Variants in TMEM80 observed in about 807,000 individuals in gnomAD.
The protein encoded by TMEM80 is transmembrane protein 80.
A neutral mutation model predicts 13.6 loss-of-function variants in TMEM80; 16 were observed. The ratio of observed to expected loss-of-function variants is 1.17; its 90% CI spans 0.79 to 1.78. TMEM80 has a LOEUF of 1.78. TMEM80 is among the 40% of genes most tolerant of loss of function. The pLI is 0.00. For synonymous variants in TMEM80, 92 were observed against 89.5 expected (o/e 1.03, Z -0.16); for missense variants, 167 against 184.6 (o/e 0.90, Z 0.55).
downstream of TMEM80, chr11:704,405 C>T: frequency 4.8e-6 from 6 of 1,262,926 alleles, no homozygotes; most frequent in Non-Finnish European, 6.2e-6. Flanking sequence ...CCCAGTTGTC[C>T]TGGGCCGACT....
At position 703,828 on chromosome 11, in the gene TMEM80, G is replaced by A; in HGVS notation, c.*678G>A. 8.1e-7 allele frequency: 1 copy of A among 1,234,856 alleles called. No homozygotes were observed. The highest frequency in any genetic ancestry group is 1.0e-6 in the Non-Finnish European group (1 of 990,202). The allele number at this position is 1,234,856 out of a possible 1,614,324, so 76.5% of individuals were successfully genotyped here. ...CTTCGGAGGAGAGGTCAGGGCTAAG[G>A]CCGGGGATGAGACTGCAGGAGAGAG... On this transcript the variant is annotated 3_prime_UTR_variant, in exon 5 of 5. Coordinates refer to ENST00000397510, the MANE Select transcript of TMEM80 (RefSeq NM_001042463.3).
intron 1 of TMEM80, among the ~76,000 whole-genome samples, chr11:696,798 G>T (rs1861198276): frequency 4.3e-4 from 2 of 4,698 alleles, no homozygotes; most frequent in African/African-American, 7.2e-4. Context: ...CCCCGGGGAA[G>T]GCCAGGCGCA....
At chr11:704,767 T>C, downstream of TMEM80, 2 of 705,822 alleles carry the variant, frequency 2.8e-6, no homozygotes, top group Non-Finnish European at 2.1e-6. Flanking sequence ...GCCTGGACTG[T>C]CTCCTGAGGG....
At chr11:699,425 C>A (rs1454767983) in intron 2 of TMEM80, 1 of 153,212 alleles carries the variant, frequency 6.5e-6, no homozygotes, top group Non-Finnish European at 1.4e-5. Flanking sequence ...TTAAGTCCCC[C>A]AAACAGAAAT....
chr11:704,817 T>C (rs1473151142), downstream of TMEM80: 4 of 423,716 alleles, frequency 9.4e-6, no homozygotes, highest in East Asian at 2.9e-4. Flanking sequence ...GGCACCCGTT[T>C]AGGAGTGGAG....
At position 703,374 on chromosome 11, in the gene TMEM80, G is replaced by A; in HGVS notation, c.*224G>A. 2 of 1,385,594 alleles carry A rather than the reference G, an allele frequency of 1.4e-6. No individual in the cohort carries two copies. Among genetic ancestry groups the A allele is most frequent in the South Asian group, 1.9e-5 (1 of 53,920 alleles). 85.8% of individuals were successfully genotyped at this position (1,385,594 alleles called of 1,614,324 possible). On this transcript the variant is annotated 3_prime_UTR_variant, in exon 5 of 5. Coordinates refer to ENST00000397510, the MANE Select transcript of TMEM80 (RefSeq NM_001042463.3). ...TGGGAACAGCTGCGGGGAGGGTAGG[G>A]ACCAGACAGAACTGCCTTCAAGATG...
chr11:695,687 G>T, upstream of TMEM80: 1 of 1,243,720 alleles, frequency 8.0e-7, no homozygotes. Flanking sequence ...TCGGGCCTCG[G>T]CCGTGGCTCG....
rs1861595259 is a variant in TMEM80, at chr11:703,535, C to T, written c.*385C>T. 4.9e-6 allele frequency: 6 copies of T among 1,235,078 alleles called. No individual in the cohort carries two copies. The highest frequency in any genetic ancestry group is 5.0e-6 in the Non-Finnish European group (5 of 990,262). 76.5% of individuals were successfully genotyped at this position (1,235,078 alleles called of 1,614,324 possible). A position where few individuals can be genotyped will look rare whatever the true frequency, so the allele number is the denominator to read the frequency against. Reference sequence around the variant, plus strand: ...AACAGAGGCCTCATCTCACTGCATCCCCCATCACCCCCTAGTTCCCCAATG... The same window carrying T: ...AACAGAGGCCTCATCTCACTGCATCTCCCATCACCCCCTAGTTCCCCAATG... On this transcript the variant is annotated 3_prime_UTR_variant, in exon 5 of 5. Coordinates refer to ENST00000397510, the MANE Select transcript of TMEM80 (RefSeq NM_001042463.3).
rs1861616772 is a variant in TMEM80, at chr11:704,050, T to C, written c.*900T>C. On this transcript the variant is annotated 3_prime_UTR_variant, in exon 5 of 5. Coordinates refer to ENST00000397510, the MANE Select transcript of TMEM80 (RefSeq NM_001042463.3). Reference sequence around the variant, plus strand: ...GATTCTATTGTGTGTTTTCTATGTTTGGAATAATTACACCCAAATATCTAG... The same window carrying C: ...GATTCTATTGTGTGTTTTCTATGTTCGGAATAATTACACCCAAATATCTAG... The C allele has an allele frequency of 1.7e-6, 2 of 1,164,556 alleles. No homozygotes were observed. Among genetic ancestry groups the C allele is most frequent in the Admixed American group, 4.3e-5 (1 of 23,366 alleles). 72.1% of individuals were successfully genotyped at this position (1,164,556 alleles called of 1,614,324 possible).
At chr11:696,467 G>T (rs1861167037) in intron 1 of TMEM80, among the ~76,000 whole-genome samples, 1 of 152,174 alleles carries the variant, frequency 6.6e-6, no homozygotes, top group South Asian at 2.1e-4. Flanking sequence ...TTTGTTTTGT[G>T]TATTTTCATT....
At chr11:701,453 C>T (rs1276301202) in intron 4 of TMEM80, among the ~76,000 whole-genome samples, 2 of 142,828 alleles carry the variant, frequency 1.4e-5, no homozygotes, top group East Asian at 4.4e-4. Context: ...CTCTGTCGCC[C>T]AGGCTGGAGT....
chr11:703,811 G>A lies in TMEM80; in HGVS notation c.*661G>A, dbSNP rs892612272. ...ACTTCTCCCTTCAGGGGCTTCGGAGGAGAGGTCAGGGCTAAGGCCGGGGAT... is the reference window on the plus strand; with the variant it reads ...ACTTCTCCCTTCAGGGGCTTCGGAGAAGAGGTCAGGGCTAAGGCCGGGGAT... On this transcript the variant is annotated 3_prime_UTR_variant, in exon 5 of 5. Transcript: ENST00000397510. 34 of 1,232,940 alleles carry A rather than the reference G, an allele frequency of 2.8e-5. No individual in the cohort carries two copies. In the South Asian group the frequency reaches 4.5e-4, roughly 16 times the overall value. The allele number at this position is 1,232,940 out of a possible 1,614,324, so 76.4% of individuals were successfully genotyped here.
intron 3 of TMEM80, 84 bp downstream of exon 3, chr11:700,319 G>A: frequency 1.6e-6 from 2 of 1,274,288 alleles, no homozygotes; most frequent in East Asian, 4.6e-5. Context: ...TTGAGGTCAG[G>A]AGTTTGAGAC....
downstream of TMEM80, chr11:704,170 TCTC>T (rs1310192358): frequency 3.6e-5 from 39 of 1,091,088 alleles, no homozygotes; most frequent in Middle Eastern, 1.3e-3. Flanking sequence ...CATCTCCAGT[TCTC>T]CTGCCCTGCA....
intron 4 of TMEM80, among the ~76,000 whole-genome samples, chr11:701,450 G>A (rs533994047): frequency 3.6e-4 from 45 of 124,124 alleles, no homozygotes; most frequent in African/African-American, 9.5e-4. Context: ...TCGCTCTGTC[G>A]CCCAGGCTGG....
chr11:699,009 G>A, intron 2 of TMEM80, 121 bp downstream of exon 2: 3 of 1,203,244 alleles, frequency 2.5e-6, no homozygotes, highest in South Asian at 1.2e-5. Context: ...ACTTTGGAGA[G>A]GGGGGTGTTC....
At chr11:704,395 C>T (rs887580575), downstream of TMEM80, 12 of 1,213,122 alleles carry the variant, frequency 9.9e-6, no homozygotes, top group African/African-American at 1.7e-4. Flanking sequence ...GGTGGGAGCA[C>T]CCAGTTGTCC....
chr11:699,813 G>A, intron 2 of TMEM80: 1 of 283,784 alleles, frequency 3.5e-6, no homozygotes, highest in Non-Finnish European at 6.6e-6. Flanking sequence ...GGGGCCAAAG[G>A]CAGGGTGACA....
At chr11:698,513 A>C (rs1861300847) in intron 1 of TMEM80, among the ~76,000 whole-genome samples, 1 of 152,214 alleles carries the variant, frequency 6.6e-6, no homozygotes, top group Admixed American at 6.5e-5. Context: ...AATACGGAGA[A>C]GCCACAGACG....
Sources: allele counts gnomAD v4.1 joint callset (sites outside exome capture counted in the v4.1 genomes callset), GRCh38; gene constraint gnomAD v4.1.1; transcripts MANE v1.5; gene names NCBI Gene and HGNC (gene_info 2026-07-23, HGNC 2026-07-21).